The following FAM107B variants were observed in gnomAD, a reference collection of about 807,000 sequenced individuals.
The protein encoded by FAM107B is protein FAM107B.
A neutral mutation model predicts 31.5 loss-of-function variants in FAM107B; 21 were observed. That is an observed-to-expected ratio of 0.67 (90% CI 0.47 to 0.96). FAM107B has a LOEUF of 0.96. Ranked by LOEUF, FAM107B falls within the 40% of genes least tolerant of loss-of-function variation. The pLI is 0.00. For synonymous variants in FAM107B, 157 were observed against 141.5 expected (o/e 1.11, Z -0.78); for missense variants, 452 against 377.1 (o/e 1.20, Z -1.64).
At chr10:14,609,446 G>A (rs897595990) in intron 2 of FAM107B, among the ~76,000 whole-genome samples, 11 of 152,170 alleles carry the variant, frequency 7.2e-5, no homozygotes, top group African/African-American at 2.4e-4. Context: ...TTTCTTTGCT[G>A]GCTGTCAGCT....
intron 2 of FAM107B, among the ~76,000 whole-genome samples, chr10:14,626,231 A>G (rs1419007043): frequency 6.7e-6 from 1 of 149,840 alleles, no homozygotes; most frequent in Non-Finnish European, 1.5e-5. Flanking sequence ...TTCATATAGC[A>G]TGAGTTCACT....
At chr10:14,523,527 G>A (rs905795020) in intron 3 of FAM107B, among the ~76,000 whole-genome samples, 5 of 152,302 alleles carry the variant, frequency 3.3e-5, no homozygotes, top group Middle Eastern at 3.4e-3. Context: ...CACACCTCCT[G>A]GTCCGGCTGC....
chr10:14,552,634 C>T (rs1588562825), intron 2 of FAM107B, among the ~76,000 whole-genome samples: 1 of 152,136 alleles, frequency 6.6e-6, no homozygotes, highest in East Asian at 1.9e-4. Context: ...GCCAGGAGTT[C>T]GAGACCAGCA....
intron 1 of FAM107B, among the ~76,000 whole-genome samples, chr10:14,766,698 G>T (rs558871807): frequency 1.3e-5 from 2 of 151,718 alleles, no homozygotes; most frequent in Non-Finnish European, 2.9e-5. Flanking sequence ...ACTTATAATG[G>T]CCATAGCTCA....
At chr10:14,521,740 T>G (rs1050697954) in intron 4 of FAM107B, 129 bp downstream of exon 4, 1 of 1,350,752 alleles carries the variant, frequency 7.4e-7, no homozygotes, top group African/African-American at 1.5e-5. Context: ...TGCTGACATT[T>G]GTCTCCAATA....
chr10:14,712,466 C>T (rs973043359), intron 1 of FAM107B, among the ~76,000 whole-genome samples: 2 of 151,556 alleles, frequency 1.3e-5, no homozygotes, highest in African/African-American at 2.4e-5. Context: ...TGGTGATGGG[C>T]GCTTGTAACC....
At chr10:14,743,158 T>C (rs1196769921) in intron 1 of FAM107B, among the ~76,000 whole-genome samples, 2 of 152,236 alleles carry the variant, frequency 1.3e-5, no homozygotes, top group Non-Finnish European at 2.9e-5. Context: ...GTTGGCTGCA[T>C]GTATGTCTTC....
chr10:14,719,768 C>T (rs1588728781), intron 1 of FAM107B, among the ~76,000 whole-genome samples: 1 of 152,316 alleles, frequency 6.6e-6, no homozygotes, highest in South Asian at 2.1e-4. Flanking sequence ...GCCTTGGCTC[C>T]TGGGCTCCCC....
chr10:14,774,410 C>A lies in FAM107B; in HGVS notation c.254G>T (p.Arg85Ile). 2.5e-6 allele frequency: 4 copies of A among 1,614,258 alleles called. No homozygotes were observed. The Admixed American group carries it at 5.0e-5, about 20-fold the overall frequency. The change falls in exon 1 of 5, where the codon AGA becomes ATA. Residue 85 changes from arginine (R) to isoleucine (I), a missense_variant. Transcript: ENST00000181796. The part of the protein sequence containing the change: ...KRQDSSTHAE[R>I]NGSANRNSSH... ...TGAATTCCGATTCGCACTGCCATTT[C>A]TCTCTGCATGGGTGCTCGAATCTTG...
intron 1 of FAM107B, among the ~76,000 whole-genome samples, chr10:14,719,711 C>G (rs1198532704): frequency 1.3e-5 from 2 of 152,316 alleles, no homozygotes; most frequent in Non-Finnish European, 2.9e-5. Flanking sequence ...GGGCAGCACT[C>G]CCAACAGTGG....
chr10:14,745,890 A>G (rs1588750348), intron 1 of FAM107B, among the ~76,000 whole-genome samples: 1 of 152,116 alleles, frequency 6.6e-6, no homozygotes, highest in South Asian at 2.1e-4. Flanking sequence ...CCTAATATTG[A>G]CAGTGGGGTG....
intron 2 of FAM107B, among the ~76,000 whole-genome samples, chr10:14,547,209 G>A (rs1848775448): frequency 6.6e-6 from 1 of 152,170 alleles, no homozygotes; most frequent in Non-Finnish European, 1.5e-5. Flanking sequence ...TTGTGTTCCT[G>A]GTGGGTTTTG....
chr10:14,548,382 G>A, intron 2 of FAM107B: 1 of 979,092 alleles, frequency 1.0e-6, no homozygotes, highest in Non-Finnish European at 1.2e-6. Flanking sequence ...CTCCAGGGGA[G>A]GTACTTGTGC....
At chr10:14,570,305 A>G (rs918393906) in intron 2 of FAM107B, among the ~76,000 whole-genome samples, 8 of 151,462 alleles carry the variant, frequency 5.3e-5, no homozygotes, top group Admixed American at 2.0e-4. Context: ...TTTTTACCCA[A>G]TATCTGTGTA....
intron 1 of FAM107B, among the ~76,000 whole-genome samples, chr10:14,721,555 G>T (rs1855913246): frequency 6.6e-6 from 1 of 152,138 alleles, no homozygotes; most frequent in South Asian, 2.1e-4. Context: ...GTGTGAGATG[G>T]TATCTCATTG....
intron 2 of FAM107B, among the ~76,000 whole-genome samples, chr10:14,589,575 A>C (rs1365542529): frequency 6.6e-6 from 1 of 152,200 alleles, no homozygotes; most frequent in Non-Finnish European, 1.5e-5. Flanking sequence ...AGTAATAATA[A>C]TAACAAGGAA....
chr10:14,720,854 T>C (rs891066879), intron 1 of FAM107B, among the ~76,000 whole-genome samples: 2 of 152,216 alleles, frequency 1.3e-5, no homozygotes, highest in Non-Finnish European at 2.9e-5. Context: ...ATTTATTTTT[T>C]ATTTTTATAC....
Position 14,521,076 on chromosome 10 carries a change from A to G in FAM107B, c.*114T>C. 1.2e-6 allele frequency: 1 copy of G among 832,464 alleles called. No individual in the cohort carries two copies. Among genetic ancestry groups the G allele is most frequent in the African/African-American group, 1.7e-5 (1 of 57,740 alleles). 51.6% of individuals were successfully genotyped at this position (832,464 alleles called of 1,614,324 possible). A position where few individuals can be genotyped will look rare whatever the true frequency, so the allele number is the denominator to read the frequency against. ...GAAAATCAAACCAAATCCTACTGCA[A>G]GTCAAAATTCTCTGCTGGCTGAAAT... On this transcript the variant is annotated 3_prime_UTR_variant, in exon 5 of 5. Transcript: ENST00000181796.
At chr10:14,697,820 G>A (rs1433109597) in intron 1 of FAM107B, among the ~76,000 whole-genome samples, 1 of 152,118 alleles carries the variant, frequency 6.6e-6, no homozygotes, top group Admixed American at 6.6e-5. Context: ...CTCAACTTTT[G>A]TTCTTGAAAT....
Sources: gnomAD v4.1 joint callset for allele counts (sites outside exome capture counted in the v4.1 genomes callset) on GRCh38, gnomAD v4.1.1 for gene constraint, MANE v1.5 for transcripts, NCBI Gene and HGNC (gene_info 2026-07-23, HGNC 2026-07-21) for gene names.